The following DNAH3 variants were observed in gnomAD, a reference collection of about 807,000 sequenced individuals.
DNAH3 encodes dynein axonemal heavy chain 3.
Under a neutral mutation model 432.5 loss-of-function variants are expected in DNAH3, and 332 were observed. The ratio of observed to expected loss-of-function variants is 0.77; its 90% confidence interval spans 0.70 to 0.84. The LOEUF is 0.84. Ranked by LOEUF, DNAH3 falls within the 40% of genes least tolerant of loss-of-function variation. DNAH3 has a pLI of 0.00. For missense variants in DNAH3, 4,861 were observed against 5,114.0 expected (o/e 0.95, Z 1.51); for synonymous variants, 1,956 against 1,900.2 (o/e 1.03, Z -0.76).
chr16:21,142,381 A>G (rs1274580869), intron 3 of DNAH3, among the ~76,000 whole-genome samples: 25 of 152,182 alleles, frequency 1.6e-4, no homozygotes, highest in African/African-American at 5.6e-4. Flanking sequence ...AAATATACAT[A>G]CATACATACA....
At chr16:21,153,745 C>G (rs929414869) in intron 1 of DNAH3, among the ~76,000 whole-genome samples, 2 of 152,052 alleles carry the variant, frequency 1.3e-5, no homozygotes, top group Non-Finnish European at 2.9e-5. Context: ...AGACGCGCTA[C>G]CTTAAGAGCT....
intron 32 of DNAH3, among the ~76,000 whole-genome samples, chr16:21,041,717 T>C (rs2089450974): frequency 6.6e-6 from 1 of 152,178 alleles, no homozygotes; most frequent in Non-Finnish European, 1.5e-5. Context: ...TCTCCTAGGC[T>C]GAGTGCAACG....
At chr16:20,964,727 C>T (rs138560231) in exon 53 of DNAH3, 15 of 1,614,028 alleles carry the variant, frequency 9.3e-6, no homozygotes, top group Non-Finnish European at 1.3e-5. Context: ...ATCTGCCAGG[C>T]ACGGATTTTT....
At chr16:20,948,370 C>T in intron 57 of DNAH3, 113 bp downstream of exon 57, 1 of 1,113,262 alleles carries the variant, frequency 9.0e-7, no homozygotes, top group African/African-American at 1.6e-5. Context: ...GGATTCAATT[C>T]AGGAAGCCCA....
At chr16:21,040,134 C>T (rs776013121) in intron 32 of DNAH3, among the ~76,000 whole-genome samples, 191 bp from the exon 33 acceptor site, 6 of 152,084 alleles carry the variant, frequency 3.9e-5, no homozygotes, top group Non-Finnish European at 5.9e-5. Context: ...GCTCAACCAA[C>T]CTCCCCACTG....
At chr16:20,959,335 C>T in exon 54 of DNAH3, 1 of 1,614,172 alleles carries the variant, frequency 6.2e-7, no homozygotes, top group Non-Finnish European at 8.5e-7. Context: ...AGGGCCTTGG[C>T]CTTGGCCAAG....
chr16:21,143,950 G>A (rs553767881), intron 3 of DNAH3, among the ~76,000 whole-genome samples: 2 of 152,176 alleles, frequency 1.3e-5, no homozygotes, highest in East Asian at 3.9e-4. Flanking sequence ...TTAGTAAATT[G>A]GAAGATGTAA....
exon 29 of DNAH3, chr16:21,051,840 C>T: frequency 6.2e-7 from 1 of 1,614,118 alleles, no homozygotes; most frequent in Non-Finnish European, 8.5e-7. Context: ...AGACCCTGTC[C>T]TCAGATAACT....
chr16:21,074,112 T>C (rs1481438543), intron 21 of DNAH3, among the ~76,000 whole-genome samples: 1 of 152,190 alleles, frequency 6.6e-6, no homozygotes, highest in East Asian at 1.9e-4. Context: ...ATGACCTTCA[T>C]GCTAGGTGAA....
intron 1 of DNAH3, among the ~76,000 whole-genome samples, chr16:21,156,200 ATTTATTTTAT>A (rs1555579919): frequency 1.3e-4 from 10 of 75,764 alleles, no homozygotes; most frequent in Middle Eastern, 7.9e-3. Context: ...ATTTTATTTT[ATTTATTTTAT>A]TTTATTTTAT....
At position 21,134,455 on chromosome 16, in the gene DNAH3, C is replaced by G. The variant is rs754816959; in HGVS notation, c.887-1G>C. On this transcript the variant is annotated splice_acceptor_variant, in intron 6 of 61. Transcript: ENST00000261383. LOFTEE classifies it high-confidence loss of function. ...ATTGGGTCCATGAGGATGTAATCAA[C>G]TACAACCGGAAAGGGCGAACACCTC... 3.1e-6 allele frequency: 5 copies of G among 1,613,344 alleles called. No individual in the cohort carries two copies. The highest frequency in any genetic ancestry group is 4.2e-6 in the Non-Finnish European group (5 of 1,179,728).
intron 20 of DNAH3, among the ~76,000 whole-genome samples, chr16:21,079,151 G>C (rs1444707919): frequency 2.6e-5 from 4 of 152,196 alleles, no homozygotes; most frequent in Non-Finnish European, 5.9e-5. Flanking sequence ...CATGGTTAAG[G>C]CCTGCCTGGT....
At chr16:21,096,134 A>ATTT (rs11286672) in intron 18 of DNAH3, among the ~76,000 whole-genome samples, 2,403 of 140,022 alleles carry the variant, frequency 0.017, 73 homozygotes, top group African/African-American at 0.06. Context: ...AGGGTCTCTG[A>ATTT]TTTTTTTTTT....
intron 51 of DNAH3, among the ~76,000 whole-genome samples, chr16:20,972,837 A>G (rs1029736040): frequency 7.1e-6 from 1 of 141,014 alleles, no homozygotes; most frequent in Non-Finnish European, 1.5e-5. Flanking sequence ...CAAGTGATTC[A>G]TGTGCTTGGG....
At chr16:21,008,256 T>C (rs958076428) in intron 41 of DNAH3, among the ~76,000 whole-genome samples, 2 of 152,184 alleles carry the variant, frequency 1.3e-5, no homozygotes, top group Non-Finnish European at 2.9e-5. Context: ...TGCTCTGATA[T>C]AATTGGGTAA....
intron 41 of DNAH3, among the ~76,000 whole-genome samples, chr16:21,011,940 T>A (rs534364563): frequency 6.6e-6 from 1 of 152,310 alleles, no homozygotes; most frequent in South Asian, 2.1e-4. Context: ...TAATCCTTAC[T>A]ATTATTATTG....
intron 34 of DNAH3, among the ~76,000 whole-genome samples, chr16:21,037,424 A>G (rs183826069): frequency 6.6e-6 from 1 of 152,372 alleles, no homozygotes; most frequent in East Asian, 1.9e-4. Context: ...GGAATGAACA[A>G]GATAGTAATG....
chr16:21,130,933 A>G (rs1425003034), intron 7 of DNAH3, among the ~76,000 whole-genome samples: 1 of 152,174 alleles, frequency 6.6e-6, no homozygotes, highest in Non-Finnish European at 1.5e-5. Context: ...ACTTAAAGCA[A>G]TACCTTAATT....
chr16:21,125,488 T>C (rs1283817061), intron 8 of DNAH3, 118 bp from the exon 10 acceptor site: 3 of 720,714 alleles, frequency 4.2e-6, no homozygotes, highest in African/African-American at 1.8e-5. Context: ...CCAAGCAGCC[T>C]TGCAAATCAG....
Sources: allele counts gnomAD v4.1 joint callset (sites outside exome capture counted in the v4.1 genomes callset), GRCh38; gene constraint gnomAD v4.1.1; transcripts MANE v1.5; gene names NCBI Gene and HGNC (gene_info 2026-07-23, HGNC 2026-07-21).